The following VCP variants were observed in gnomAD, a reference collection of about 807,000 sequenced individuals.
VCP encodes the protein valosin containing protein.
VCP carries 6 observed loss-of-function variants against 85.7 expected under a neutral mutation model. That is an observed-to-expected ratio of 0.07 (90% CI 0.04 to 0.14). The LOEUF (loss-of-function observed/expected upper bound fraction) is 0.14, where lower values mean the gene tolerates loss of function less well. VCP is among the 10% of genes least tolerant of loss of function. The probability of loss-of-function intolerance (pLI) is 1.00; values close to 1 mark genes in which losing one functional copy is unlikely to be tolerated. For missense variants in VCP, 353 were observed against 1,043.4 expected (o/e 0.34, Z 9.12); for synonymous variants, 384 against 367.1 (o/e 1.05, Z -0.53).
rs1563979115 is a variant in VCP at position 35,064,297 on chromosome 9, G to A, written c.577-12C>T. 4 of 1,613,908 alleles carry A rather than the reference G, an allele frequency of 2.5e-6. No homozygotes were observed. Among genetic ancestry groups the A allele is most frequent in the African/African-American group, 1.3e-5 (1 of 75,044 alleles). ...GACTCTTCCTCATCCTGAATATGGA[G>A]GAGATAAAGAAAGGAGAAGGCAAGA... On this transcript the variant is annotated splice_polypyrimidine_tract_variant and intron_variant, in intron 5 of 16. Coordinates refer to ENST00000358901, the MANE Select transcript of VCP (RefSeq NM_007126.5).
intron 3 of VCP, among the ~76,000 whole-genome samples, chr9:35,067,215 G>A (rs1828851037): frequency 6.6e-6 from 1 of 152,190 alleles, no homozygotes; most frequent in South Asian, 2.1e-4. Flanking sequence ...CCTTGAGGAA[G>A]TGACTAAGCA....
rs1474383824 is a variant in VCP, at chr9:35,056,451, A to T, written c.*666T>A. ...TACCGATGTTGATCAGGAGAGGAAG[A>T]AGGTGCAATCTTACTTCCAGGATTT... On this transcript the variant is annotated 3_prime_UTR_variant, in exon 17 of 17. Transcript: ENST00000358901. 1.3e-5 allele frequency: 2 copies of T among 156,820 alleles called. No homozygotes were observed. Among genetic ancestry groups the T allele is most frequent in the Admixed American group, 6.2e-5 (1 of 16,176 alleles). 9.7% of individuals were successfully genotyped at this position (156,820 alleles called of 1,614,324 possible).
chr9:35,068,579 C>T (rs1400691410), intron 1 of VCP, among the ~76,000 whole-genome samples: 2 of 152,172 alleles, frequency 1.3e-5, no homozygotes, highest in Admixed American at 6.5e-5. Flanking sequence ...GCGTCAGTGT[C>T]CCAGCTATAA....
At position 35,057,017 on chromosome 9, in the gene VCP, G is replaced by T; in HGVS notation, c.*100C>A. On this transcript the variant is annotated 3_prime_UTR_variant, in exon 17 of 17. Transcript: ENST00000358901. ...ACTGTTCAGACTGGAGAATGGAGCA[G>T]GCTGTGGGCGCACCCCTGGTCCCTC... The T allele has an allele frequency of 8.6e-7, 1 of 1,160,782 alleles. No homozygotes were observed. Among genetic ancestry groups the T allele is most frequent in the Non-Finnish European group, 1.3e-6 (1 of 776,242 alleles). 71.9% of individuals were successfully genotyped at this position (1,160,782 alleles called of 1,614,324 possible). A position where few individuals can be genotyped will look rare whatever the true frequency, so the allele number is the denominator to read the frequency against.
In VCP at chr9:35,060,757, C is replaced by G; in HGVS notation, c.1482+44G>C. On this transcript the variant is annotated intron_variant, in intron 12 of 16. Transcript: ENST00000358901. ...ACCCTGAGATCACCCAGATCAATTA[C>G]AATGTACTGAGACAGTGACTCACCC... 4.3e-6 allele frequency: 7 copies of G among 1,614,050 alleles called. No individual in the cohort carries two copies. In the South Asian group the frequency reaches 4.4e-5, roughly 10 times the overall value.
At chr9:35,063,466 T>C (rs1215490562) in intron 6 of VCP, among the ~76,000 whole-genome samples, 3 of 152,184 alleles carry the variant, frequency 2.0e-5, no homozygotes, top group Non-Finnish European at 4.4e-5. Context: ...ATTTTCTTCA[T>C]TGCCAGAGGA....
At chr9:35,071,413 G>A (rs772637049) in intron 1 of VCP, among the ~76,000 whole-genome samples, 36 of 145,856 alleles carry the variant, frequency 2.5e-4, no homozygotes, top group Middle Eastern at 3.6e-3. Flanking sequence ...GGGTCAGAAA[G>A]CCCCAGAGCC....
Position 35,057,504 on chromosome 9 carries a change from A to G in VCP, c.2187T>C (p.Pro729=). Residue 729 remains proline, a synonymous_variant, in exon 16 of 17, where the codon CCT becomes CCC. Transcript: ENST00000358901. ...AMEVEEDDPV[P]EIRRDHFEEA... ...CTTCAAAGTGATCTCGACGGATCTCAGGCACTGGATCATCCTCTTCTACCT... is the reference window on the plus strand; with the variant it reads ...CTTCAAAGTGATCTCGACGGATCTCGGGCACTGGATCATCCTCTTCTACCT... 2 of 1,612,526 alleles carry G rather than the reference A, an allele frequency of 1.2e-6. No individual in the cohort carries two copies. The highest frequency in any genetic ancestry group is 1.7e-6 in the Non-Finnish European group (2 of 1,180,038).
Position 35,061,650 on chromosome 9 carries a change from G to A in VCP, c.1121C>T (p.Ala374Val), listed in dbSNP as rs886043471. The A allele has an allele frequency of 1.2e-6, 2 of 1,614,116 alleles. No homozygotes were observed. The highest frequency in any genetic ancestry group is 1.6e-4 in the Middle Eastern group (1 of 6,062). Reference sequence around the variant, plus strand: ...CTGAAGAATCTCTAAGCGTCCTGTAGCATCAGGAATTCCAATATCTACCTC... The same window carrying A: ...CTGAAGAATCTCTAAGCGTCCTGTAACATCAGGAATTCCAATATCTACCTC... ...DREVDIGIPD[A>V]TGRLEILQIH... Residue 374 changes from alanine to valine, a missense_variant, in exon 10 of 17, where the codon GCT becomes GTT. Coordinates refer to ENST00000358901, the MANE Select transcript of VCP (RefSeq NM_007126.5).
chr9:35,065,433 A>G, intron 4 of VCP, 52 bp from the exon 5 acceptor site: 1 of 1,612,548 alleles, frequency 6.2e-7, no homozygotes, highest in South Asian at 1.1e-5. Context: ...TACAAGACAA[A>G]GTGAGAACTC....
At chr9:35,065,210 TAATCATAAA>T in intron 5 of VCP, 32 bp downstream of exon 5, 1 of 1,613,560 alleles carries the variant, frequency 6.2e-7, no homozygotes, top group Non-Finnish European at 8.5e-7. Context: ...CCACACTGAG[TAATCATAAA>T]ATCGGATACT....
At chr9:35,070,165 T>A (rs1320957773) in intron 1 of VCP, among the ~76,000 whole-genome samples, 2 of 152,224 alleles carry the variant, frequency 1.3e-5, no homozygotes, top group Non-Finnish European at 2.9e-5. Context: ...AACTAGTTTC[T>A]AACGACAGTT....
intron 15 of VCP, among the ~76,000 whole-genome samples, chr9:35,058,536 G>C (rs979979219): frequency 2.0e-5 from 3 of 152,178 alleles, no homozygotes; most frequent in African/African-American, 7.2e-5. Flanking sequence ...GCCGAGGTGG[G>C]CACATCACAA....
rs954766519 is a variant in VCP, at chr9:35,072,496, C to T, written c.-143G>A. 3 of 1,089,434 alleles carry T rather than the reference C, an allele frequency of 2.8e-6. No individual in the cohort carries two copies. The highest frequency in any genetic ancestry group is 3.6e-6 in the Non-Finnish European group (3 of 824,138). The allele number at this position is 1,089,434 out of a possible 1,614,324, so 67.5% of individuals were successfully genotyped here. ...ACAAACCCGCAAGCGGCTTCCCTCTCGCTTCCTCCCACCGGCAGCGAGGCG... is the reference window on the plus strand; with the variant it reads ...ACAAACCCGCAAGCGGCTTCCCTCTTGCTTCCTCCCACCGGCAGCGAGGCG... On this transcript the variant is annotated 5_prime_UTR_variant, in exon 1 of 17. Coordinates refer to ENST00000358901, the MANE Select transcript of VCP (RefSeq NM_007126.5).
chr9:35,062,882 C>T lies in VCP; in HGVS notation c.811+96G>A, dbSNP rs202025291. On this transcript the variant is annotated intron_variant, in intron 7 of 16. Transcript: ENST00000358901. ...AATATGCTATAAACATGAAGGAGGG[C>T]ATGGGTGCAAAAAGGATGTGTTCAT... The T allele has an allele frequency of 7.1e-4, 772 of 1,085,540 alleles. 3 individuals are homozygous for T. In the African/African-American group the frequency reaches 0.011, roughly 15 times the overall value. 67.2% of individuals were successfully genotyped at this position (1,085,540 alleles called of 1,614,324 possible). A position where few individuals can be genotyped will look rare whatever the true frequency, so the allele number is the denominator to read the frequency against.
intron 1 of VCP, among the ~76,000 whole-genome samples, chr9:35,069,996 A>G (rs1376601703): frequency 6.6e-5 from 10 of 152,240 alleles, no homozygotes; most frequent in African/African-American, 2.4e-4. Context: ...AATTTGCAAG[A>G]GACAAAGAAA....
In VCP at chr9:35,072,524, G is replaced by T; in HGVS notation, c.-171C>A. On this transcript the variant is annotated 5_prime_UTR_variant, in exon 1 of 17. Transcript: ENST00000358901. ...TTCCTCCCACCGGCAGCGAGGCGTC[G>T]GGCGAACAACGCTGGCTCCTGATCC... The T allele has an allele frequency of 1.2e-6, 1 of 829,706 alleles. No homozygotes were observed. The allele number at this position is 829,706 out of a possible 1,614,324, so 51.4% of individuals were successfully genotyped here.
intron 1 of VCP, among the ~76,000 whole-genome samples, chr9:35,068,959 A>T (rs2131041917): frequency 6.6e-6 from 1 of 152,336 alleles, no homozygotes; most frequent in Middle Eastern, 3.4e-3. Flanking sequence ...AGTAAAGCAT[A>T]AGCTAACTTT....
chr9:35,062,602 C>A (rs987043931), intron 7 of VCP, among the ~76,000 whole-genome samples: 2 of 152,244 alleles, frequency 1.3e-5, no homozygotes, highest in South Asian at 2.1e-4. Context: ...GCTCTAGGAC[C>A]TCTGGCTAGA....
Sources: allele counts gnomAD v4.1 joint callset (sites outside exome capture counted in the v4.1 genomes callset), GRCh38; gene constraint gnomAD v4.1.1; transcripts MANE v1.5; gene names NCBI Gene and HGNC (gene_info 2026-07-23, HGNC 2026-07-21).